Variants in GRM1 observed in about 807,000 individuals in gnomAD.
GRM1 encodes metabotropic glutamate receptor 1.
In GRM1, 33 loss-of-function variants were observed where a neutral mutation model predicts 90.9. The ratio of observed to expected loss-of-function variants is 0.36; its 90% CI spans 0.28 to 0.49. The LOEUF (loss-of-function observed/expected upper bound fraction) is 0.49. Ranked by LOEUF, GRM1 falls within the 20% of genes least tolerant of loss-of-function variation. GRM1 has a pLI of 0.99. For synonymous variants in GRM1, 700 were observed against 613.2 expected (o/e 1.14, Z -2.09); for missense variants, 1,190 against 1,534.3 (o/e 0.78, Z 3.75).
chr6:146,426,806 G>A (rs759540102), intron 7 of GRM1, among the ~76,000 whole-genome samples: 6 of 152,064 alleles, frequency 3.9e-5, no homozygotes, highest in Admixed American at 1.3e-4. Flanking sequence ...ATTGTCCATC[G>A]TTCTTAAAAG....
chr6:146,192,078 C>T (rs575192748), intron 2 of GRM1, among the ~76,000 whole-genome samples: 14 of 152,152 alleles, frequency 9.2e-5, no homozygotes, highest in Non-Finnish European at 2.1e-4. Context: ...GATTGCTTAA[C>T]TTTCAGTGTA....
chr6:146,242,461 A>G (rs1450266245), intron 2 of GRM1, among the ~76,000 whole-genome samples: 2 of 152,168 alleles, frequency 1.3e-5, no homozygotes, highest in Non-Finnish European at 2.9e-5. Context: ...TTAGACACCA[A>G]TCTTCCTGTG....
At chr6:146,321,114 T>C (rs1265227275) in intron 3 of GRM1, among the ~76,000 whole-genome samples, 1 of 152,252 alleles carries the variant, frequency 6.6e-6, no homozygotes, top group East Asian at 1.9e-4. Context: ...TAATTAGTGC[T>C]ATAAACTTCC....
upstream of GRM1, among the ~76,000 whole-genome samples, chr6:146,028,759 T>C (rs1307180015): frequency 2.0e-5 from 3 of 152,102 alleles, no homozygotes; most frequent in Non-Finnish European, 4.4e-5. Context: ...GCATCCTTTG[T>C]TTACGTTTAT....
intron 5 of GRM1, among the ~76,000 whole-genome samples, chr6:146,376,400 T>C (rs979241118): frequency 1.3e-5 from 2 of 152,158 alleles, no homozygotes; most frequent in African/African-American, 2.4e-5. Context: ...TTATTGTTCA[T>C]TAATGTTCTT....
chr6:146,155,888 G>A lies in GRM1; in HGVS notation c.701-3460G>A, dbSNP rs538356829. 2.6e-5 allele frequency among the ~76,000 whole-genome samples: 4 copies of A among 152,274 alleles called. No homozygotes were observed. In the South Asian group the frequency reaches 6.2e-4, roughly 24 times the overall value. ...TGTTGGAATGCAAGTGTAGCTTTCT[G>A]TAAAGGAGTGACAAAATCAGATTTA... On this transcript the variant is annotated intron_variant, in intron 1 of 7. Transcript: ENST00000282753.
intron 2 of GRM1, among the ~76,000 whole-genome samples, chr6:146,192,018 G>A (rs781567870): frequency 9.2e-5 from 14 of 152,186 alleles, no homozygotes; most frequent in Non-Finnish European, 1.9e-4. Flanking sequence ...TTTGTGCTAA[G>A]ACCAAGTAAG....
intron 2 of GRM1, among the ~76,000 whole-genome samples, chr6:146,256,721 A>G (rs541491437): frequency 1.3e-5 from 2 of 152,210 alleles, no homozygotes; most frequent in South Asian, 4.2e-4. Context: ...ACACTTACTG[A>G]TATTTTTCCC....
intron 7 of GRM1, among the ~76,000 whole-genome samples, chr6:146,401,724 C>T (rs1777166854): frequency 6.6e-6 from 1 of 152,110 alleles, no homozygotes; most frequent in Non-Finnish European, 1.5e-5. Flanking sequence ...TTCTTCTAAC[C>T]ATTTATGGTA....
chr6:146,246,852 T>C (rs1781076925), intron 2 of GRM1, among the ~76,000 whole-genome samples: 1 of 152,210 alleles, frequency 6.6e-6, no homozygotes, highest in Non-Finnish European at 1.5e-5. Flanking sequence ...ATTTACAAGG[T>C]ATCTGGATAA....
intron 3 of GRM1, among the ~76,000 whole-genome samples, chr6:146,318,534 G>A (rs1040215122): frequency 1.3e-5 from 2 of 152,218 alleles, no homozygotes; most frequent in South Asian, 2.1e-4. Flanking sequence ...TGGGATTGCT[G>A]GGTCAAATGG....
At chr6:146,112,024 G>T (rs955114725) in intron 1 of GRM1, among the ~76,000 whole-genome samples, 3 of 152,132 alleles carry the variant, frequency 2.0e-5, no homozygotes, top group African/African-American at 7.2e-5. Context: ...ACTTGATCAG[G>T]CTTGTTAGAT....
At chr6:146,137,105 G>C (rs1380278852) in intron 1 of GRM1, among the ~76,000 whole-genome samples, 2 of 151,960 alleles carry the variant, frequency 1.3e-5, no homozygotes, top group East Asian at 3.9e-4. Flanking sequence ...CACCCGCCTT[G>C]GCCTCCCAAA....
chr6:146,326,594 T>C (rs1051585779), intron 3 of GRM1, among the ~76,000 whole-genome samples: 7 of 150,292 alleles, frequency 4.7e-5, no homozygotes, highest in Non-Finnish European at 8.9e-5. Context: ...ACTTAAAAGT[T>C]AAAAAAAAAT....
chr6:146,027,872 A>T (rs1182582016), upstream of GRM1: 2 of 152,518 alleles, frequency 1.3e-5, no homozygotes, highest in East Asian at 3.9e-4. Context: ...ACAACGGCAG[A>T]CAAAGTCCCA....
At chr6:146,252,600 C>A (rs1009563180) in intron 2 of GRM1, among the ~76,000 whole-genome samples, 1 of 151,382 alleles carries the variant, frequency 6.6e-6, no homozygotes, top group Non-Finnish European at 1.5e-5. Context: ...GGCGACAGAG[C>A]AAACCTCCAA....
chr6:146,350,720 T>G (rs1217915993), intron 3 of GRM1, among the ~76,000 whole-genome samples: 1 of 152,214 alleles, frequency 6.6e-6, no homozygotes, highest in African/African-American at 2.4e-5. Flanking sequence ...AAGGAGGATC[T>G]TTTCTTTCTT....
At chr6:146,363,276 CCA>C (rs1480886887) in intron 5 of GRM1, among the ~76,000 whole-genome samples, 1 of 152,098 alleles carries the variant, frequency 6.6e-6, no homozygotes, top group Non-Finnish European at 1.5e-5. Context: ...GTCTCAGATT[CCA>C]GAGCATTTGT....
intron 1 of GRM1, among the ~76,000 whole-genome samples, chr6:146,076,381 G>A (rs772146800): frequency 2.6e-5 from 4 of 152,170 alleles, no homozygotes; most frequent in Non-Finnish European, 5.9e-5. Flanking sequence ...AAGATGCAGC[G>A]AATGTGATTA....
Sources: allele counts gnomAD v4.1 joint callset (sites outside exome capture counted in the v4.1 genomes callset), GRCh38; gene constraint gnomAD v4.1.1; transcripts MANE v1.5; gene names NCBI Gene and HGNC (gene_info 2026-07-23, HGNC 2026-07-21).